Variants in TBC1D15 observed in about 807,000 individuals in gnomAD.
TBC1D15 encodes TBC1 domain family member 15.
TBC1D15 carries 39 observed loss-of-function variants against 95.4 expected under a neutral mutation model. That is an observed-to-expected ratio of 0.41 (90% CI 0.32 to 0.53). The LOEUF (loss-of-function observed/expected upper bound fraction) is 0.53. Among genes scored for constraint, TBC1D15 ranks in the 20% least tolerant of loss-of-function variants. The probability of loss-of-function intolerance (pLI) is 0.29; values close to 1 mark genes in which losing one functional copy is unlikely to be tolerated. For synonymous variants in TBC1D15, 258 were observed against 261.3 expected (o/e 0.99, Z 0.12); for missense variants, 733 against 794.3 (o/e 0.92, Z 0.93).
intron 5 of TBC1D15, among the ~76,000 whole-genome samples, chr12:71,891,762 G>A (rs562429317): frequency 1.3e-5 from 2 of 152,150 alleles, no homozygotes; most frequent in Non-Finnish European, 1.5e-5. Context: ...TTGCTTGTTG[G>A]TAAGGCAGTC....
At chr12:71,902,432 A>G (rs1899602845) in intron 10 of TBC1D15, among the ~76,000 whole-genome samples, 1 of 152,210 alleles carries the variant, frequency 6.6e-6, no homozygotes, top group East Asian at 1.9e-4. Context: ...CCACACATCT[A>G]CAGCCATCTG....
chr12:71,893,158 A>G (rs983489552), intron 5 of TBC1D15, 64 bp from the exon 6 acceptor site: 2 of 852,444 alleles, frequency 2.3e-6, no homozygotes, highest in Non-Finnish European at 3.2e-6. Context: ...TGTGTTAGTA[A>G]TTGTTCATGT....
intron 1 of TBC1D15, among the ~76,000 whole-genome samples, chr12:71,867,472 G>C (rs1441048554): frequency 6.6e-6 from 1 of 152,140 alleles, no homozygotes; most frequent in Non-Finnish European, 1.5e-5. Context: ...CTTATTCAGG[G>C]TGGCTGTGAG....
At chr12:71,864,358 G>C (rs1489857125) in intron 1 of TBC1D15, among the ~76,000 whole-genome samples, 1 of 151,968 alleles carries the variant, frequency 6.6e-6, no homozygotes, top group African/African-American at 2.4e-5. Context: ...GTGAGCTACT[G>C]CACCCGGCTG....
intron 11 of TBC1D15, among the ~76,000 whole-genome samples, chr12:71,911,400 T>C (rs1459965520): frequency 6.6e-6 from 1 of 151,666 alleles, no homozygotes; most frequent in Non-Finnish European, 1.5e-5. Context: ...TAGACTGGAT[T>C]AAGAAAATGT....
chr12:71,922,947 T>G (rs1460120644), intron 16 of TBC1D15, 36 bp from the exon 17 acceptor site: 1 of 1,599,024 alleles, frequency 6.3e-7, no homozygotes. Flanking sequence ...TCCTCTGTAG[T>G]GAAATATGGT....
chr12:71,874,449 G>A (rs1415720860), intron 3 of TBC1D15, among the ~76,000 whole-genome samples: 1 of 152,042 alleles, frequency 6.6e-6, no homozygotes, highest in African/African-American at 2.4e-5. Flanking sequence ...TTGGTGCACA[G>A]CAAATTCGAG....
intron 1 of TBC1D15, among the ~76,000 whole-genome samples, chr12:71,868,408 G>A (rs988362951): frequency 1.3e-5 from 2 of 151,962 alleles, no homozygotes; most frequent in African/African-American, 4.8e-5. Flanking sequence ...ACCATGCCCG[G>A]ATAATTTTTT....
At chr12:71,890,224 G>A (rs1427534347) in intron 5 of TBC1D15, among the ~76,000 whole-genome samples, 2 of 152,094 alleles carry the variant, frequency 1.3e-5, no homozygotes, top group African/African-American at 4.8e-5. Flanking sequence ...TATTCTACTA[G>A]GTGTCAGCCC....
chr12:71,903,442 T>G (rs1899923325), intron 10 of TBC1D15, among the ~76,000 whole-genome samples: 1 of 152,208 alleles, frequency 6.6e-6, no homozygotes, highest in Non-Finnish European at 1.5e-5. Context: ...ATTCAGCCAC[T>G]GTGAAAAGCA....
intron 1 of TBC1D15, among the ~76,000 whole-genome samples, chr12:71,865,598 G>C (rs2138197192): frequency 6.6e-6 from 1 of 152,246 alleles, no homozygotes; most frequent in South Asian, 2.1e-4. Context: ...AGAGGGGGTA[G>C]GGAATAGCAC....
At chr12:71,899,394 C>T (rs1898870401) in intron 10 of TBC1D15, among the ~76,000 whole-genome samples, 1 of 152,296 alleles carries the variant, frequency 6.6e-6, no homozygotes, top group South Asian at 2.1e-4. Flanking sequence ...AGTTCAGACT[C>T]ATTCATACTC....
rs1870168699 is a variant in TBC1D15 at position 71,923,391 on chromosome 12, A to G, written c.*187A>G. On this transcript the variant is annotated 3_prime_UTR_variant, in exon 17 of 17. Coordinates refer to ENST00000485960, the MANE Select transcript of TBC1D15 (RefSeq NM_001146213.3). The stretch of plus-strand genomic sequence containing the variant: ...ATTATTTTTGTAGTTACTTCTACCA[A>G]ATAGCCTTTCCTTTTCGATAACATT... 1.9e-6 allele frequency: 1 copy of G among 536,548 alleles called. No individual in the cohort carries two copies. Among genetic ancestry groups the G allele is most frequent in the South Asian group, 3.1e-5 (1 of 32,032 alleles). 33.2% of individuals were successfully genotyped at this position (536,548 alleles called of 1,614,324 possible).
intron 3 of TBC1D15, among the ~76,000 whole-genome samples, chr12:71,876,759 T>TA (rs1893912768): frequency 6.6e-6 from 1 of 151,998 alleles, no homozygotes; most frequent in African/African-American, 2.4e-5. Flanking sequence ...GGCCAAGAAT[T>TA]ACAGTTTGAA....
At chr12:71,916,538 T>C (rs1292272481) in intron 12 of TBC1D15, among the ~76,000 whole-genome samples, 1 of 152,224 alleles carries the variant, frequency 6.6e-6, no homozygotes, top group Non-Finnish European at 1.5e-5. Flanking sequence ...ATTAATAGAC[T>C]TAAATTTTTT....
chr12:71,843,517 G>C (rs149826239), intron 1 of TBC1D15, among the ~76,000 whole-genome samples: 404 of 151,954 alleles, frequency 2.7e-3, no homozygotes, highest in African/African-American at 9.3e-3. Context: ...AGTTAACTAG[G>C]GTATAATAGG....
chr12:71,850,078 TTATGA>T lies in TBC1D15; in HGVS notation c.30+10270_30+10274del, dbSNP rs539646756. 150 of 519,316 alleles carry T rather than the reference TTATGA, an allele frequency of 2.9e-4. 5 individuals are homozygous for T. The highest frequency in any genetic ancestry group is 2.3e-3 in the South Asian group (136 of 59,086). 32.2% of individuals were successfully genotyped at this position (519,316 alleles called of 1,614,324 possible). On this transcript the variant is annotated intron_variant, in intron 1 of 16. Transcript: ENST00000485960. Reference sequence around the variant, plus strand: ...GAACAGCCATCGCTGTGAGTTTAAATTATGATAATCTAATATCAGAAGACACTCTG... The same window carrying T: ...GAACAGCCATCGCTGTGAGTTTAAATTAATCTAATATCAGAAGACACTCTG...
Position 71,900,135 on chromosome 12 carries a change from A to G in TBC1D15, c.1183+2194A>G, listed in dbSNP as rs79572554. 7.0e-3 allele frequency among the ~76,000 whole-genome samples: 1,059 copies of G among 152,156 alleles called. 5 individuals carry two copies. Among genetic ancestry groups the G allele is most frequent in the African/African-American group, 0.021 (886 of 41,528 alleles). ...GTGATACCCCTTATGGAGATGAGAA[A>G]TGGGGTATGGTGAAATTGAATTAAG... On this transcript the variant is annotated intron_variant, in intron 10 of 16. Coordinates refer to ENST00000485960, the MANE Select transcript of TBC1D15 (RefSeq NM_001146213.3).
Position 71,913,964 on chromosome 12 carries a change from A to C in TBC1D15, c.1401+38A>C, listed in dbSNP as rs572709286. 2.7e-6 allele frequency: 4 copies of C among 1,460,650 alleles called. No homozygotes were observed. The African/African-American group carries it at 4.4e-5, about 16-fold the overall frequency. 90.5% of individuals were successfully genotyped at this position (1,460,650 alleles called of 1,614,324 possible). A position where few individuals can be genotyped will look rare whatever the true frequency, so the allele number is the denominator to read the frequency against. Reference sequence around the variant, plus strand: ...ATTCCTTCCATTAAACTGATTTTTAAAATTTTAGTTGTATAATTTTATAGT... The same window carrying C: ...ATTCCTTCCATTAAACTGATTTTTACAATTTTAGTTGTATAATTTTATAGT... On this transcript the variant is annotated intron_variant, in intron 12 of 16. Transcript: ENST00000485960.
Sources: gnomAD v4.1 joint callset for allele counts (sites outside exome capture counted in the v4.1 genomes callset) on GRCh38, gnomAD v4.1.1 for gene constraint, MANE v1.5 for transcripts, NCBI Gene and HGNC (gene_info 2026-07-23, HGNC 2026-07-21) for gene names.